TAFA2: variants seen among roughly 807,000 people sequenced by gnomAD.
The protein encoded by TAFA2 is TAFA chemokine like family member 2, also known as chemokine-like protein TAFA-2.
A neutral mutation model predicts 18.8 loss-of-function variants in TAFA2; 7 were observed. The observed-to-expected ratio is 0.37, with a 90% confidence interval of 0.21 to 0.70. The LOEUF (loss-of-function observed/expected upper bound fraction) is 0.70, where lower values mean the gene tolerates loss of function less well. Among genes scored for constraint, TAFA2 ranks in the 30% least tolerant of loss-of-function variants. The pLI is 0.53. For missense variants in TAFA2, 122 were observed against 158.1 expected, an observed-to-expected ratio of 0.77 and a Z score of 1.23; for synonymous variants, 60 against 54.2, an observed-to-expected ratio of 1.11 and a Z score of -0.47.
intron 1 of TAFA2, among the ~76,000 whole-genome samples, chr12:62,141,406 G>A (rs983560837): frequency 3.9e-5 from 6 of 152,140 alleles, no homozygotes; most frequent in East Asian, 1.9e-4. Flanking sequence ...TCCTAGCACC[G>A]TTGGTCAGGC....
At chr12:61,733,544 G>T (rs1002756771) in intron 4 of TAFA2, among the ~76,000 whole-genome samples, 6 of 149,386 alleles carry the variant, frequency 4.0e-5, no homozygotes, top group South Asian at 2.2e-4. Flanking sequence ...TTTCCCCATT[G>T]CTTGTTTTTG....
At chr12:61,967,610 T>G (rs1021594081) in intron 1 of TAFA2, among the ~76,000 whole-genome samples, 22 of 151,780 alleles carry the variant, frequency 1.4e-4, no homozygotes. Context: ...GTGCTGGAAA[T>G]TGAAGTGAAA....
chr12:62,209,894 A>G (rs1356912228), intron 1 of TAFA2, among the ~76,000 whole-genome samples: 1 of 152,202 alleles, frequency 6.6e-6, no homozygotes, highest in African/African-American at 2.4e-5. Flanking sequence ...TGCCCAAGCA[A>G]TTAAGTTAAA....
chr12:61,986,582 A>G (rs1400761469), intron 1 of TAFA2, among the ~76,000 whole-genome samples: 1 of 151,832 alleles, frequency 6.6e-6, no homozygotes, highest in Non-Finnish European at 1.5e-5. Context: ...TACAGGCATG[A>G]GCCACCACAC....
At chr12:62,019,604 G>T (rs935045091) in intron 1 of TAFA2, among the ~76,000 whole-genome samples, 4 of 150,598 alleles carry the variant, frequency 2.7e-5, no homozygotes, top group African/African-American at 7.3e-5. Flanking sequence ...CTCACTCACA[G>T]GTGGGAATTC....
intron 2 of TAFA2, among the ~76,000 whole-genome samples, chr12:61,796,605 C>T (rs942912101): frequency 1.3e-5 from 2 of 152,022 alleles, no homozygotes; most frequent in African/African-American, 4.8e-5. Context: ...AAAGTTATAA[C>T]ATTAATTCTC....
intron 1 of TAFA2, among the ~76,000 whole-genome samples, chr12:62,124,623 A>G (rs1046697786): frequency 6.6e-6 from 1 of 152,198 alleles, no homozygotes; most frequent in Admixed American, 6.5e-5. Context: ...AGACCAGAAA[A>G]AAAGAATGAA....
At chr12:62,219,260 G>C (rs2062750489) in intron 1 of TAFA2, among the ~76,000 whole-genome samples, 2 of 152,090 alleles carry the variant, frequency 1.3e-5, no homozygotes, top group African/African-American at 4.8e-5. Flanking sequence ...TACTTAAAGT[G>C]TAGAGATGAA....
intron 1 of TAFA2, among the ~76,000 whole-genome samples, chr12:62,079,988 T>C (rs1489171435): frequency 6.6e-6 from 1 of 152,194 alleles, no homozygotes; most frequent in South Asian, 2.1e-4. Flanking sequence ...TCAGATCTTA[T>C]AGGCTAAAAT....
chr12:61,713,012 A>G (rs764559622), intron 4 of TAFA2, among the ~76,000 whole-genome samples: 1 of 152,188 alleles, frequency 6.6e-6, no homozygotes. Flanking sequence ...TTTTGAATGT[A>G]TAAATCTTTA....
chr12:62,142,853 T>C (rs1245446), intron 1 of TAFA2, among the ~76,000 whole-genome samples: 148,580 of 152,238 alleles, frequency 0.98, 72,591 homozygotes, highest in Middle Eastern at 1. Context: ...AACTATTTGC[T>C]GGGCAATGTT....
At chr12:61,898,704 A>C (rs1185970627) in intron 1 of TAFA2, among the ~76,000 whole-genome samples, 1 of 152,182 alleles carries the variant, frequency 6.6e-6, no homozygotes, top group Non-Finnish European at 1.5e-5. Flanking sequence ...CCTACAGGCC[A>C]GTGATGGGAG....
At chr12:61,811,323 T>A (rs553811011) in intron 2 of TAFA2, among the ~76,000 whole-genome samples, 2 of 151,526 alleles carry the variant, frequency 1.3e-5, no homozygotes, top group East Asian at 3.9e-4. Context: ...TGCCCAAGAT[T>A]ATATAGTATT....
chr12:61,974,254 A>G (rs1238412893), intron 1 of TAFA2, among the ~76,000 whole-genome samples: 1 of 151,790 alleles, frequency 6.6e-6, no homozygotes, highest in East Asian at 1.9e-4. Flanking sequence ...TTTAAAAAGA[A>G]AGAATATTAC....
At chr12:61,903,275 C>A (rs1251952076) in intron 1 of TAFA2, among the ~76,000 whole-genome samples, 1 of 139,472 alleles carries the variant, frequency 7.2e-6, no homozygotes, top group African/African-American at 2.4e-5. Flanking sequence ...GACCACCTAT[C>A]CTTCTCCCCC....
At chr12:62,219,780 T>C (rs1279135081) in intron 1 of TAFA2, among the ~76,000 whole-genome samples, 2 of 152,178 alleles carry the variant, frequency 1.3e-5, no homozygotes, top group African/African-American at 4.8e-5. Context: ...TCTGCAAGTG[T>C]TCCTCTTTCA....
intron 1 of TAFA2, among the ~76,000 whole-genome samples, chr12:62,177,037 A>T (rs2062518902): frequency 6.6e-6 from 1 of 152,216 alleles, no homozygotes; most frequent in South Asian, 2.1e-4. Flanking sequence ...GTTTAAAAAG[A>T]TCACTCACGT....
chr12:62,074,443 T>C (rs1412919378), intron 1 of TAFA2, among the ~76,000 whole-genome samples: 1 of 152,244 alleles, frequency 6.6e-6, no homozygotes, highest in African/African-American at 2.4e-5. Flanking sequence ...TCTTATGAGC[T>C]AATTAATAAT....
rs540409755 is a variant in TAFA2, at chr12:61,808,132, C to T, written c.107-53108G>A. Among the ~76,000 whole-genome samples, 103 of 151,680 alleles carry T rather than the reference C, an allele frequency of 6.8e-4. 1 individual carries two copies. Among genetic ancestry groups the T allele is most frequent in the Non-Finnish European group, 1.2e-3 (81 of 68,028 alleles). ...ACTGAAATCTCATCTTGAATTCCCACGTTGTGGGAGGGACCCAGTGAAAGG... is the reference window on the plus strand; with the variant it reads ...ACTGAAATCTCATCTTGAATTCCCATGTTGTGGGAGGGACCCAGTGAAAGG... On this transcript the variant is annotated intron_variant, in intron 2 of 4. Transcript: ENST00000416284.
Sources: allele counts gnomAD v4.1 joint callset (sites outside exome capture counted in the v4.1 genomes callset), GRCh38; gene constraint gnomAD v4.1.1; transcripts MANE v1.5; gene names NCBI Gene and HGNC (gene_info 2026-07-23, HGNC 2026-07-21).